RYR3: variants seen among roughly 807,000 people sequenced by gnomAD.
RYR3 encodes ryanodine receptor 3.
Under a neutral mutation model 584.3 loss-of-function variants are expected in RYR3, and 207 were observed. That is an observed-to-expected ratio of 0.35 (90% CI 0.32 to 0.40). The LOEUF (loss-of-function observed/expected upper bound fraction) is 0.40, where lower values mean the gene tolerates loss of function less well. Among genes scored for constraint, RYR3 ranks in the 10% least tolerant of loss-of-function variants. The probability of loss-of-function intolerance (pLI) is 1.00; values close to 1 mark genes in which losing one functional copy is unlikely to be tolerated. For missense variants in RYR3, 5,616 were observed against 6,089.2 expected (o/e 0.92, Z 2.59); for synonymous variants, 2,416 against 2,248.5 (o/e 1.07, Z -2.11).
At chr15:33,545,617 CTCAA>C (rs1355065955) in intron 8 of RYR3, among the ~76,000 whole-genome samples, 2 of 152,128 alleles carry the variant, frequency 1.3e-5, no homozygotes, top group Non-Finnish European at 2.9e-5. Context: ...GTCAACTAGT[CTCAA>C]TCAAAACAGG....
chr15:33,612,607 G>T (rs1008454827), intron 18 of RYR3, among the ~76,000 whole-genome samples: 2 of 152,178 alleles, frequency 1.3e-5, no homozygotes, highest in South Asian at 2.1e-4. Flanking sequence ...TGATCCACCT[G>T]CCTCAGCCTC....
chr15:33,699,813 A>G lies in RYR3; in HGVS notation c.6359A>G (p.Glu2120Gly), dbSNP rs370232598. The change falls in exon 41 of 104, where the codon GAG (glutamate) becomes GGG (glycine). Residue 2120 changes from glutamate to glycine, a missense_variant. Transcript: ENST00000634891. ...AMFEHLSYLLENSSVGLASPS... is the reference protein window; with the variant it reads ...AMFEHLSYLLGNSSVGLASPS... ...TTTGAGCATCTGAGTTATCTTCTGG[A>G]GAATAGCAGTGTTGGCCTAGGTGCG... 153 of 1,613,698 alleles carry G rather than the reference A, an allele frequency of 9.5e-5. No individual in the cohort carries two copies. Among genetic ancestry groups the G allele is most frequent in the Non-Finnish European group, 1.2e-4 (138 of 1,179,790 alleles).
At chr15:33,745,636 A>AT (rs779159050) in intron 52 of RYR3, among the ~76,000 whole-genome samples, 18 of 152,318 alleles carry the variant, frequency 1.2e-4, no homozygotes, top group Non-Finnish European at 2.2e-4. Context: ...ACACATCACT[A>AT]CACTTTTGCT....
At chr15:33,815,069 C>CAAAA (rs35216286) in intron 74 of RYR3, among the ~76,000 whole-genome samples, 2 of 118,728 alleles carry the variant, frequency 1.7e-5, no homozygotes, top group African/African-American at 3.0e-5. Context: ...GACTCTGTCT[C>CAAAA]AAAAAAAAAA....
chr15:33,849,329 T>C (rs951175334), intron 94 of RYR3: 26 of 152,204 alleles, frequency 1.7e-4, no homozygotes, highest in African/African-American at 6.3e-4. Context: ...GACAGGCAGG[T>C]GACACCAAGG....
chr15:33,738,827 A>G (rs1472470076), intron 50 of RYR3, among the ~76,000 whole-genome samples: 2 of 152,244 alleles, frequency 1.3e-5, no homozygotes, highest in Non-Finnish European at 2.9e-5. Context: ...ACAAAGCTGT[A>G]CGAGGGAAAG....
chr15:33,710,910 C>A (rs1402027924), intron 43 of RYR3, among the ~76,000 whole-genome samples: 2 of 152,232 alleles, frequency 1.3e-5, no homozygotes, highest in African/African-American at 4.8e-5. Flanking sequence ...GTTAATTCTT[C>A]CCTCCTAAGC....
At chr15:33,339,255 C>A (rs1172678712) in intron 1 of RYR3, among the ~76,000 whole-genome samples, 1 of 152,172 alleles carries the variant, frequency 6.6e-6, no homozygotes, top group Non-Finnish European at 1.5e-5. Flanking sequence ...GGGCTGTGGC[C>A]CCAGGTCAGA....
At chr15:33,704,269 G>C (rs187529330) in intron 42 of RYR3, among the ~76,000 whole-genome samples, 1 of 141,962 alleles carries the variant, frequency 7.0e-6, no homozygotes, top group Non-Finnish European at 1.5e-5. Context: ...GTGACAGAGC[G>C]AGACTCCGTC....
intron 1 of RYR3, among the ~76,000 whole-genome samples, chr15:33,461,165 T>C (rs1017707330): frequency 5.3e-5 from 8 of 151,804 alleles, no homozygotes; most frequent in South Asian, 2.1e-4. Context: ...AGGATGGTCT[T>C]GATCTCCTGA....
At chr15:33,517,582 C>A (rs1289620419) in intron 3 of RYR3, among the ~76,000 whole-genome samples, 1 of 152,196 alleles carries the variant, frequency 6.6e-6, no homozygotes, top group Non-Finnish European at 1.5e-5. Flanking sequence ...CTTGCCTGGT[C>A]CAAGGGAATG....
intron 19 of RYR3, among the ~76,000 whole-genome samples, chr15:33,618,130 G>A (rs377182673): frequency 6.6e-5 from 10 of 152,080 alleles, no homozygotes; most frequent in African/African-American, 2.4e-4. Context: ...TATACAGAAA[G>A]CCATAGTATA....
intron 3 of RYR3, among the ~76,000 whole-genome samples, chr15:33,518,604 G>A (rs780106797): frequency 7.2e-5 from 11 of 152,170 alleles, no homozygotes; most frequent in Non-Finnish European, 7.3e-5. Context: ...CATTGTCAGT[G>A]TGATAAATTT....
chr15:33,525,279 G>GT (rs1342154827), intron 3 of RYR3, among the ~76,000 whole-genome samples: 1 of 152,138 alleles, frequency 6.6e-6, no homozygotes, highest in Non-Finnish European at 1.5e-5. Flanking sequence ...TTTATGGACT[G>GT]TCTGTATTGT....
At chr15:33,823,594 C>T (rs1461217290) in intron 81 of RYR3, among the ~76,000 whole-genome samples, 4 of 152,138 alleles carry the variant, frequency 2.6e-5, no homozygotes, top group Admixed American at 1.3e-4. Flanking sequence ...GGCATGGGAA[C>T]ATTTTGACAT....
At position 33,748,209 on chromosome 15, in the gene RYR3, G is replaced by T. The variant is rs747768891; in HGVS notation, c.8085G>T (p.Leu2695Phe). 4.3e-6 allele frequency: 7 copies of T among 1,613,838 alleles called. No homozygotes were observed. The highest frequency in any genetic ancestry group is 2.2e-5 in the East Asian group (1 of 44,888). The change falls in exon 54 of 104, where the codon TTG becomes TTT. Residue 2695 changes from leucine to phenylalanine, a missense_variant. Coordinates refer to ENST00000634891, the MANE Select transcript of RYR3 (RefSeq NM_001036.6). ...AGAGGACCAAAGAGGGAGAAGCTTT[G>T]GTTCAACAGCGGGAAAATGAGAAGC... ...TVERTKEGEA[L>F]VQQRENEKLR... is the part of the protein sequence containing the mutation.
intron 43 of RYR3, among the ~76,000 whole-genome samples, chr15:33,708,762 T>A (rs188283410): frequency 4.7e-4 from 72 of 152,324 alleles, no homozygotes; most frequent in African/African-American, 1.7e-3. Context: ...TAGAAGGGTG[T>A]GCCCTTACAG....
At chr15:33,524,303 A>G (rs963985917) in intron 3 of RYR3, among the ~76,000 whole-genome samples, 7 of 152,270 alleles carry the variant, frequency 4.6e-5, no homozygotes, top group Non-Finnish European at 1.0e-4. Flanking sequence ...TGCTTTTCCC[A>G]CGGTGGCATA....
intron 38 of RYR3, among the ~76,000 whole-genome samples, chr15:33,673,636 A>C (rs1178150293): frequency 6.6e-6 from 1 of 152,216 alleles, no homozygotes; most frequent in African/African-American, 2.4e-5. Flanking sequence ...CTTCAATGTA[A>C]ATATATAGGC....
Sources: allele counts gnomAD v4.1 joint callset (sites outside exome capture counted in the v4.1 genomes callset), GRCh38; gene constraint gnomAD v4.1.1; transcripts MANE v1.5; gene names NCBI Gene and HGNC (gene_info 2026-07-23, HGNC 2026-07-21).